The following NT5DC4 variants were observed in gnomAD, a reference collection of about 807,000 sequenced individuals.
The protein encoded by NT5DC4 is 5'-nucleotidase domain-containing protein 4.
NT5DC4 carries 44 observed loss-of-function variants against 26.6 expected under a neutral mutation model. The observed-to-expected ratio is 1.65, with a 90% CI of 1.30 to 2.13. The LOEUF (loss-of-function observed/expected upper bound fraction) is 2.13. Among genes scored for constraint, NT5DC4 ranks in the 30% most tolerant of loss-of-function variants. The pLI is 0.00. For synonymous variants in NT5DC4, 157 were observed against 86.7 expected (o/e 1.81, Z -4.51); for missense variants, 399 against 228.1 (o/e 1.75, Z -4.83).
In NT5DC4 at chr2:112,729,802, A is replaced by G; in HGVS notation, c.1344+98A>G. On this transcript the variant is annotated intron_variant, in intron 16 of 16. Transcript: ENST00000688554. ...GTATCAACCCCAGGACGCATGAGGC[A>G]ATTGGTGGGGGGGCTTGTGGGCTTG... 4 of 690,806 alleles carry G rather than the reference A, an allele frequency of 5.8e-6. No individual in the cohort carries two copies. In the South Asian group the frequency reaches 6.1e-5, roughly 11 times the overall value. 42.8% of individuals were successfully genotyped at this position (690,806 alleles called of 1,614,324 possible). A position where few individuals can be genotyped will look rare whatever the true frequency, so the allele number is the denominator to read the frequency against.
At chr2:112,734,264 A>G (rs1359822363) in intron 16 of NT5DC4, among the ~76,000 whole-genome samples, 1 of 151,670 alleles carries the variant, frequency 6.6e-6, no homozygotes, top group Non-Finnish European at 1.5e-5. Context: ...GTTTGAGAAA[A>G]AACAGAATTT....
At chr2:112,720,938 G>A (rs987893476), upstream of NT5DC4, among the ~76,000 whole-genome samples, 1 of 152,196 alleles carries the variant, frequency 6.6e-6, no homozygotes, top group Non-Finnish European at 1.5e-5. Context: ...AAAGGGGCTC[G>A]GGGGAGATGG....
At chr2:112,719,953 TC>T (rs1378775948), upstream of NT5DC4, among the ~76,000 whole-genome samples, 18 of 123,758 alleles carry the variant, frequency 1.5e-4, no homozygotes, top group African/African-American at 4.6e-4. Context: ...TTTCTTTCTT[TC>T]TTTCTTTCTT....
rs956655088 is a variant in NT5DC4, at chr2:112,721,770, T to C, written c.75-48T>C. 1.5e-5 allele frequency: 11 copies of C among 716,938 alleles called. No individual in the cohort carries two copies. In the Admixed American group the frequency reaches 2.2e-4, roughly 14 times the overall value. The allele number at this position is 716,938 out of a possible 1,614,324, so 44.4% of individuals were successfully genotyped here. Reference sequence around the variant, plus strand: ...CCCCCTCTGTCCTTGGGCCTTGGATTCTGGGGGGCTGGTGGACTGATGCCA... The same window carrying C: ...CCCCCTCTGTCCTTGGGCCTTGGATCCTGGGGGGCTGGTGGACTGATGCCA... On this transcript the variant is annotated intron_variant, in intron 1 of 16. Transcript: ENST00000688554.
At chr2:112,742,700 T>C, downstream of NT5DC4, 1 of 1,560,354 alleles carries the variant, frequency 6.4e-7, no homozygotes, top group Non-Finnish European at 8.8e-7. Context: ...TCAAAAATAA[T>C]AGTACCTTCT....
chr2:112,727,851 G>A (rs1042573978), intron 15 of NT5DC4, among the ~76,000 whole-genome samples: 3 of 152,166 alleles, frequency 2.0e-5, no homozygotes, highest in African/African-American at 2.4e-5. Context: ...AGCTTGTTCC[G>A]CTGCGGTTTC....
At chr2:112,726,780 G>A in intron 15 of NT5DC4, 42 bp downstream of exon 15, 1 of 717,248 alleles carries the variant, frequency 1.4e-6, no homozygotes, top group Admixed American at 2.0e-5. Flanking sequence ...CCCAGCAGGG[G>A]CGGAGCCGGG....
intron 15 of NT5DC4, among the ~76,000 whole-genome samples, chr2:112,727,509 A>C (rs1677899138): frequency 6.6e-6 from 1 of 152,136 alleles, no homozygotes; most frequent in Non-Finnish European, 1.5e-5. Context: ...CTCAGATGGT[A>C]AATGAAGCTG....
chr2:112,734,095 G>T (rs1277807649), intron 16 of NT5DC4, among the ~76,000 whole-genome samples: 1 of 151,646 alleles, frequency 6.6e-6, no homozygotes, highest in African/African-American at 2.4e-5. Flanking sequence ...CTATTATAAG[G>T]ATATAGTGAG....
Position 112,722,186 on chromosome 2 carries a change from G to A in NT5DC4, c.270G>A (p.Arg90=), listed in dbSNP as rs1436006979. 2 of 716,952 alleles carry A rather than the reference G, an allele frequency of 2.8e-6. No homozygotes were observed. Among genetic ancestry groups the A allele is most frequent in the East Asian group, 2.7e-5 (1 of 37,292 alleles). The allele number at this position is 716,952 out of a possible 1,614,324, so 44.4% of individuals were successfully genotyped here. ...YTYDPTFPTR[R]LVFDELYGNL... The stretch of plus-strand genomic sequence containing the variant: ...CCCCCCGACCCCCCGTCTGCAGGCG[G>A]CTGGTGTTCGATGAACTCTATGGGA... The change falls in exon 4 of 17, where the codon CGG becomes CGA. Residue 90 remains arginine, a synonymous_variant. Coordinates refer to ENST00000688554, the MANE Select transcript of NT5DC4 (RefSeq NM_001393655.1).
At chr2:112,734,169 A>ATATATATGTGTGTGTGTG (rs150412692) in intron 16 of NT5DC4, among the ~76,000 whole-genome samples, 22 of 134,786 alleles carry the variant, frequency 1.6e-4, no homozygotes, top group Admixed American at 5.3e-4. Flanking sequence ...TATTATATAT[A>ATATATATGTGTGTGTGTG]TGTGTGTGTG....
At chr2:112,734,169 ATGTGTGTGTG>A (rs59851361) in intron 16 of NT5DC4, among the ~76,000 whole-genome samples, 3 of 134,866 alleles carry the variant, frequency 2.2e-5, no homozygotes, top group Non-Finnish European at 3.1e-5. Flanking sequence ...TATTATATAT[ATGTGTGTGTG>A]TGTGTGTGTG....
downstream of NT5DC4, chr2:112,742,829 A>C: frequency 8.2e-7 from 1 of 1,214,512 alleles, no homozygotes. Context: ...AAATTTGCTA[A>C]GGAACTTTAA....
chr2:112,724,314 G>A (rs1384560783), intron 10 of NT5DC4, 188 bp downstream of exon 10: 2 of 626,368 alleles, frequency 3.2e-6, no homozygotes, highest in Non-Finnish European at 5.8e-6. Context: ...ACCTCAGCCA[G>A]GCCCTGGGAG....
chr2:112,723,040 C>A, intron 6 of NT5DC4, 41 bp from the exon 7 acceptor site: 2 of 685,328 alleles, frequency 2.9e-6, no homozygotes, highest in Admixed American at 2.1e-5. Context: ...TCATTTCAGG[C>A]CCCCTTATTG....
chr2:112,724,094 G>A lies in NT5DC4; in HGVS notation c.757G>A (p.Ala253Thr), dbSNP rs1448434172. 8.4e-6 allele frequency: 6 copies of A among 717,228 alleles called. No individual in the cohort carries two copies. The Admixed American group carries it at 1.0e-4, about 12-fold the overall frequency. The allele number at this position is 717,228 out of a possible 1,614,324, so 44.4% of individuals were successfully genotyped here. A position where few individuals can be genotyped will look rare whatever the true frequency, so the allele number is the denominator to read the frequency against. The stretch of plus-strand genomic sequence containing the variant: ...CCTGACGCTGCCTTGTCCTTGCCAG[G>A]CCATCATGACCTACCTGTTCAGCAT... ...ATNSSYNYTN[A>T]IMTYLFSISE... Residue 253 changes from alanine to threonine, a missense_variant and splice_region_variant, in exon 10 of 17, where the codon GCC (alanine) becomes ACC (threonine). By Grantham distance (58) the Ala-to-Thr change is moderately conservative. Transcript: ENST00000688554.
chr2:112,732,662 G>C (rs966426793), intron 16 of NT5DC4, among the ~76,000 whole-genome samples: 2 of 152,194 alleles, frequency 1.3e-5, no homozygotes, highest in African/African-American at 4.8e-5. Context: ...TTCCTACCCA[G>C]GGTAGAGAGG....
chr2:112,734,928 G>GATCT (rs1678919351), intron 16 of NT5DC4, among the ~76,000 whole-genome samples: 1 of 152,002 alleles, frequency 6.6e-6, no homozygotes, highest in African/African-American at 2.4e-5. Context: ...GGCCTCAAGT[G>GATCT]ATCTGCTCAC....
intron 16 of NT5DC4, among the ~76,000 whole-genome samples, chr2:112,735,867 C>T (rs1473794931): frequency 6.6e-6 from 1 of 152,146 alleles, no homozygotes; most frequent in Non-Finnish European, 1.5e-5. Context: ...AATTATTAGA[C>T]ACCAATAGTT....
Sources: gnomAD v4.1 joint callset for allele counts (sites outside exome capture counted in the v4.1 genomes callset) on GRCh38, gnomAD v4.1.1 for gene constraint, MANE v1.5 for transcripts, NCBI Gene and HGNC (gene_info 2026-07-23, HGNC 2026-07-21) for gene names.